MAGEA11: variants seen among roughly 807,000 people sequenced by gnomAD.
MAGEA11 encodes the protein melanoma-associated antigen 11.
In MAGEA11, 1 loss-of-function variant was observed where a neutral mutation model predicts 8.4. That is an observed-to-expected ratio of 0.12 (90% CI 0.04 to 0.57). MAGEA11 has a LOEUF of 0.57. Ranked by LOEUF, MAGEA11 falls within the 20% of genes least tolerant of loss-of-function variation. MAGEA11 has a pLI of 0.91. For synonymous variants in MAGEA11, 127 were observed against 119.3 expected (o/e 1.06, Z -0.42); for missense variants, 209 against 317.3 (o/e 0.66, Z 2.59).
exon 1 of MAGEA11, chrX:149,688,839 G>A (rs1467449453): frequency 7.1e-6 from 3 of 424,740 alleles, no homozygotes; most frequent in Non-Finnish European, 1.2e-5. Flanking sequence ...TCTCACCAGG[G>A]CAGGGAGCTG....
chrX:149,701,920 A>G (rs1439792858), intron 1 of MAGEA11, among the ~76,000 whole-genome samples: 1 of 111,528 alleles, frequency 9.0e-6, no homozygotes, highest in African/African-American at 3.3e-5. Context: ...TGTTCCATTG[A>G]TCTATATCTC....
chrX:149,702,476 T>G (rs1052536311), intron 1 of MAGEA11, among the ~76,000 whole-genome samples: 3 of 111,441 alleles, frequency 2.7e-5, no homozygotes, highest in Admixed American at 9.6e-5. Context: ...GGTATTAGCA[T>G]AGCCATTCCA....
chrX:149,714,345 A>G (rs1321188576), intron 2 of MAGEA11, 136 bp from the exon 3 acceptor site: 8 of 957,431 alleles, frequency 8.4e-6, no homozygotes, highest in Non-Finnish European at 9.8e-6. Context: ...TGGCAGAAGT[A>G]AAGATGAAAA....
At chrX:149,703,893 T>C (rs1020923269) in intron 1 of MAGEA11, among the ~76,000 whole-genome samples, 5 of 112,117 alleles carry the variant, frequency 4.5e-5, no homozygotes, top group African/African-American at 1.6e-4. Context: ...ACTCTGAAGT[T>C]GTACTATTAT....
At chrX:149,689,966 T>G in intron 1 of MAGEA11, among the ~76,000 whole-genome samples, 1 of 112,257 alleles carries the variant, frequency 8.9e-6, no homozygotes, top group Non-Finnish European at 1.9e-5. Context: ...TCTGAGAATT[T>G]TGCAAGGATC....
Position 149,712,103 on chromosome X carries a change from T to G in MAGEA11, c.-77T>G. 9.3e-6 allele frequency: 7 copies of G among 752,999 alleles called. No individual in the cohort carries two copies. Among genetic ancestry groups the G allele is most frequent in the Non-Finnish European group, 1.1e-5 (7 of 638,582 alleles). The allele number at this position is 752,999 out of a possible 1,213,427, so 62.1% of individuals were successfully genotyped here. A position where few individuals can be genotyped will look rare whatever the true frequency, so the allele number is the denominator to read the frequency against. On this transcript the variant is annotated 5_prime_UTR_variant, in exon 1 of 5. Transcript: ENST00000355220. Reference sequence around the variant, plus strand: ...GATCTGAGAGAAGCGAAAGCGTCTTTCTGAGGGGTGTCTTGAGAGTGGCAG... The same window carrying G: ...GATCTGAGAGAAGCGAAAGCGTCTTGCTGAGGGGTGTCTTGAGAGTGGCAG...
chrX:149,704,422 C>T (rs782617710), intron 1 of MAGEA11, among the ~76,000 whole-genome samples: 2 of 112,356 alleles, frequency 1.8e-5, no homozygotes, highest in South Asian at 3.7e-4. Context: ...TCACTATTTT[C>T]CTCCCCCTTT....
rs781787898 is a variant in MAGEA11, at chrX:149,712,088, A to G, written c.-92A>G. On this transcript the variant is annotated 5_prime_UTR_variant, in exon 1 of 5. Coordinates refer to ENST00000355220, the MANE Select transcript of MAGEA11 (RefSeq NM_005366.5). ...GGCTTCCGCCTCTGGGATCTGAGAG[A>G]AGCGAAAGCGTCTTTCTGAGGGGTG... 1 of 749,665 alleles carries G rather than the reference A, an allele frequency of 1.3e-6. No individual in the cohort carries two copies. The highest frequency in any genetic ancestry group is 6.9e-5 in the South Asian group (1 of 14,492). 61.8% of individuals were successfully genotyped at this position (749,665 alleles called of 1,213,427 possible).
chrX:149,716,279 A>C lies in MAGEA11; in HGVS notation c.793A>C (p.Arg265=), dbSNP rs374175341. The change falls in exon 5 of 5, where the codon AGG becomes CGG. Residue 265 remains arginine, a synonymous_variant. Coordinates refer to ENST00000355220, the MANE Select transcript of MAGEA11 (RefSeq NM_005366.5). The stretch of plus-strand genomic sequence containing the variant: ...TGAGGACTACTTTCCTGAGATATTT[A>C]GGGAAGCCTCTGTATGCATGCAACT... ...NYEDYFPEIF[R]EASVCMQLLF... is the part of the protein sequence containing the mutation. The C allele has an allele frequency of 1.7e-6, 2 of 1,212,088 alleles. No homozygotes were observed. Among genetic ancestry groups the C allele is most frequent in the Non-Finnish European group, 2.2e-6 (2 of 895,565 alleles).
At chrX:149,703,478 G>A in intron 1 of MAGEA11, among the ~76,000 whole-genome samples, 1 of 111,475 alleles carries the variant, frequency 9.0e-6, no homozygotes, top group South Asian at 3.9e-4. Context: ...TTCACCTGGA[G>A]GACTCTCCCT....
At chrX:149,704,605 G>A (rs1191371641) in intron 1 of MAGEA11, among the ~76,000 whole-genome samples, 1 of 112,096 alleles carries the variant, frequency 8.9e-6, no homozygotes, top group Non-Finnish European at 1.9e-5. Flanking sequence ...ATGCCAGGAA[G>A]TCCAGCCTCC....
intron 1 of MAGEA11, 68 bp from the exon 2 acceptor site, chrX:149,713,075 A>T (rs1315187402): frequency 1.6e-5 from 11 of 666,949 alleles, no homozygotes; most frequent in Middle Eastern, 3.0e-4. Context: ...AACTGAAGGG[A>T]CCCAGCACCC....
At chrX:149,698,031 C>T (rs1434250920) in intron 1 of MAGEA11, among the ~76,000 whole-genome samples, 2 of 112,558 alleles carry the variant, frequency 1.8e-5, no homozygotes, top group African/African-American at 6.5e-5. Flanking sequence ...AATTAAACCT[C>T]TTTCCTGTCT....
intron 1 of MAGEA11, among the ~76,000 whole-genome samples, chrX:149,689,887 T>C (rs1257529064): frequency 1.8e-5 from 2 of 112,351 alleles, no homozygotes; most frequent in African/African-American, 6.5e-5. Flanking sequence ...ACTGTTCTTC[T>C]ACATATTTAT....
At chrX:149,713,388 G>A in intron 2 of MAGEA11, 133 bp downstream of exon 2, 1 of 439,053 alleles carries the variant, frequency 2.3e-6, no homozygotes, top group Non-Finnish European at 3.9e-6. Context: ...AACCCAGGGA[G>A]GAGTCCCAGA....
intron 1 of MAGEA11, among the ~76,000 whole-genome samples, chrX:149,705,044 A>G (rs1462122735): frequency 1.8e-5 from 2 of 112,523 alleles, no homozygotes; most frequent in Non-Finnish European, 3.8e-5. Context: ...CATAACAAGC[A>G]TCCTGCCACT....
In MAGEA11 at chrX:149,714,533, A is replaced by G. The variant is rs1433065632; in HGVS notation, c.149A>G (p.Tyr50Cys). ...TTCCAGTCAACAGAAAGAGCCCCATATGGTCCACAACTACAGTGGTCCCAG... is the reference window on the plus strand; with the variant it reads ...TTCCAGTCAACAGAAAGAGCCCCATGTGGTCCACAACTACAGTGGTCCCAG... Reference protein sequence around the residue: ...DDFQSTERAPYGPQLQWSQDL... With the variant: ...DDFQSTERAPCGPQLQWSQDL... Residue 50 changes from tyrosine (Y) to cysteine (C), a missense_variant, in exon 3 of 5, where the codon TAT becomes TGT. Tyr to Cys is a radical substitution (Grantham distance 194). Around this residue, in one of 2 missense-constraint regions of MAGEA11, gnomAD observed 131 missense variants for 138.5 expected, o/e 0.95. Transcript: ENST00000355220. 1.2e-5 allele frequency: 14 copies of G among 1,209,643 alleles called. No homozygotes were observed. The Admixed American group carries it at 2.6e-4, about 23-fold the overall frequency.
At chrX:149,706,269 T>C (rs1227235682) in intron 1 of MAGEA11, among the ~76,000 whole-genome samples, 3 of 111,886 alleles carry the variant, frequency 2.7e-5, no homozygotes, top group African/African-American at 9.8e-5. Flanking sequence ...TGGAGGAGTA[T>C]ACTAATGACC....
intron 1 of MAGEA11, among the ~76,000 whole-genome samples, chrX:149,702,802 C>A (rs1476542724): frequency 9.0e-6 from 1 of 111,504 alleles, no homozygotes; most frequent in Non-Finnish European, 1.9e-5. Context: ...TTTTTCTAGT[C>A]TACCATTTTA....
Sources: gnomAD v4.1 joint callset for allele counts (sites outside exome capture counted in the v4.1 genomes callset) on GRCh38, gnomAD v4.1.1 for gene constraint, gnomAD v4.1.1 regional missense constraint, MANE v1.5 for transcripts, NCBI Gene and HGNC (gene_info 2026-07-23, HGNC 2026-07-21) for gene names.